Variants in AGMO observed in about 807,000 individuals in gnomAD.
AGMO encodes glyceryl-ether monooxygenase.
In AGMO, 75 loss-of-function variants were observed where a neutral mutation model predicts 60.2. The observed-to-expected ratio is 1.25, with a 90% CI of 1.03 to 1.51. The LOEUF (loss-of-function observed/expected upper bound fraction) is 1.51, where lower values mean the gene tolerates loss of function less well. Among genes scored for constraint, AGMO ranks in the 40% most tolerant of loss-of-function variants. The probability of loss-of-function intolerance (pLI) is 0.00; values close to 1 mark genes in which losing one functional copy is unlikely to be tolerated. For missense variants in AGMO, 763 were observed against 525.5 expected, an observed-to-expected ratio of 1.45 and a Z score of -4.42; for synonymous variants, 261 against 177.1, an observed-to-expected ratio of 1.47 and a Z score of -3.76.
the AGMO span, among the ~76,000 whole-genome samples, chr7:15,136,034 C>G: frequency 9.6e-6 from 1 of 104,684 alleles, no homozygotes; most frequent in African/African-American, 3.5e-5. Context: ...GCTCTTGTTG[C>G]CCAGGCTGGA....
At chr7:15,183,009 C>CCCCAT in the AGMO span, among the ~76,000 whole-genome samples, 4 of 152,136 alleles carry the variant, frequency 2.6e-5, no homozygotes, top group African/African-American at 9.6e-5. Context: ...GGATATCCAC[C>CCCCAT]CCCATGATTC....
chr7:15,351,003 T>A (rs1782223799), intron 12 of AGMO, among the ~76,000 whole-genome samples: 2 of 152,148 alleles, frequency 1.3e-5, no homozygotes, highest in South Asian at 2.1e-4. Context: ...TTAAGAAAAT[T>A]TAGCTCACTG....
At chr7:15,513,596 T>G (rs949127480) in intron 3 of AGMO, among the ~76,000 whole-genome samples, 3 of 152,160 alleles carry the variant, frequency 2.0e-5, no homozygotes, top group African/African-American at 7.2e-5. Context: ...TTTCCATGGC[T>G]GTTTCTGCAG....
intron 3 of AGMO, among the ~76,000 whole-genome samples, chr7:15,443,244 G>C (rs1781609639): frequency 6.6e-6 from 1 of 152,124 alleles, no homozygotes; most frequent in Non-Finnish European, 1.5e-5. Context: ...AAACTAAAAG[G>C]GCACATGGTA....
chr7:15,299,243 CAATAT>C (rs1463117934), intron 12 of AGMO, among the ~76,000 whole-genome samples: 1 of 151,798 alleles, frequency 6.6e-6, no homozygotes, highest in Non-Finnish European at 1.5e-5. Flanking sequence ...AATATAATAA[CAATAT>C]AATATAAAGG....
At chr7:15,379,909 G>A (rs528701967) in intron 10 of AGMO, among the ~76,000 whole-genome samples, 3 of 152,088 alleles carry the variant, frequency 2.0e-5, no homozygotes, top group East Asian at 3.9e-4. Flanking sequence ...AAGACAGAAA[G>A]CATATGATTA....
chr7:15,398,257 C>T (rs77510472), intron 5 of AGMO, among the ~76,000 whole-genome samples: 6,130 of 152,192 alleles, frequency 0.04, 153 homozygotes, highest in Middle Eastern at 0.051. Flanking sequence ...TGATTGGAGC[C>T]TTGGCTGAGT....
At position 15,510,991 on chromosome 7, in the gene AGMO, C is replaced by T. The variant is rs966040750; in HGVS notation, c.409+33781G>A. 4.6e-5 allele frequency among the ~76,000 whole-genome samples: 7 copies of T among 151,206 alleles called. No homozygotes were observed. The East Asian group carries it at 5.8e-4, about 13-fold the overall frequency. On this transcript the variant is annotated intron_variant, in intron 3 of 12. Coordinates refer to ENST00000342526, the MANE Select transcript of AGMO (RefSeq NM_001004320.2). ...CTTATTTCTGGTCACAAAAACATCA[C>T]CAAACTTCTAAAAAAAGATACACAA...
At chr7:15,534,807 A>G (rs1393069129) in intron 3 of AGMO, among the ~76,000 whole-genome samples, 1 of 151,866 alleles carries the variant, frequency 6.6e-6, no homozygotes, top group East Asian at 1.9e-4. Flanking sequence ...TTGTATGAGG[A>G]TAAGTAAATT....
At chr7:15,163,226 G>A in the AGMO span, among the ~76,000 whole-genome samples, 3,223 of 152,166 alleles carry the variant, frequency 0.021, 124 homozygotes, top group African/African-American at 0.072. Context: ...CTTTTGAAGG[G>A]ATCTTTAGGG....
intron 12 of AGMO, among the ~76,000 whole-genome samples, chr7:15,261,052 C>T (rs1583338643): frequency 6.6e-6 from 1 of 152,000 alleles, no homozygotes; most frequent in African/African-American, 2.4e-5. Context: ...TAAATACCTA[C>T]ATCAAAAAGT....
chr7:15,354,472 ACACACGTGTGTATATACACACGTG>A (rs1468007733), intron 12 of AGMO, among the ~76,000 whole-genome samples: 6 of 26,064 alleles, frequency 2.3e-4, no homozygotes, highest in Admixed American at 1.4e-3. Context: ...GTGTGTGTAT[ACACACGTGTGTATATACACACGTG>A]TATATATATA....
chr7:15,247,107 A>G (rs1782764203), intron 12 of AGMO, among the ~76,000 whole-genome samples: 1 of 152,054 alleles, frequency 6.6e-6, no homozygotes, highest in African/African-American at 2.4e-5. Flanking sequence ...GCCCAGCCTG[A>G]AAAAAATTTA....
chr7:15,393,692 G>C (rs1469100749), intron 6 of AGMO, among the ~76,000 whole-genome samples: 1 of 152,158 alleles, frequency 6.6e-6, no homozygotes, highest in Non-Finnish European at 1.5e-5. Context: ...GTGAAGTGTT[G>C]TTTATTGGGC....
intron 12 of AGMO, among the ~76,000 whole-genome samples, chr7:15,231,573 G>A (rs985394711): frequency 3.3e-5 from 5 of 152,192 alleles, no homozygotes; most frequent in African/African-American, 1.2e-4. Context: ...GCATGTGACA[G>A]TGTTTATTCA....
chr7:15,423,240 A>G (rs974778750), intron 4 of AGMO, among the ~76,000 whole-genome samples: 1 of 152,230 alleles, frequency 6.6e-6, no homozygotes, highest in Non-Finnish European at 1.5e-5. Context: ...TTGAAGAATC[A>G]AATAGCATGT....
intron 12 of AGMO, among the ~76,000 whole-genome samples, chr7:15,318,354 T>C (rs1781004157): frequency 6.6e-6 from 1 of 152,108 alleles, no homozygotes; most frequent in South Asian, 2.1e-4. Context: ...ATATGAGTTC[T>C]ATTCTGATAA....
chr7:15,273,717 T>A (rs369835819), intron 12 of AGMO, among the ~76,000 whole-genome samples: 1 of 152,208 alleles, frequency 6.6e-6, no homozygotes, highest in African/African-American at 2.4e-5. Flanking sequence ...TTGGGCACTA[T>A]GGCCATTTTC....
intron 3 of AGMO, among the ~76,000 whole-genome samples, chr7:15,510,934 T>C (rs1783655428): frequency 6.7e-6 from 1 of 149,266 alleles, no homozygotes; most frequent in African/African-American, 2.4e-5. Flanking sequence ...ATAATGTTTA[T>C]ATTATATGAT....
Sources: allele counts gnomAD v4.1 joint callset (sites outside exome capture counted in the v4.1 genomes callset), GRCh38; gene constraint gnomAD v4.1.1; transcripts MANE v1.5; gene names NCBI Gene and HGNC (gene_info 2026-07-23, HGNC 2026-07-21).